TRPA1: variants seen among roughly 807,000 people sequenced by gnomAD.
TRPA1 encodes ankyrin-like with transmembrane domains 1.
A neutral mutation model predicts 131.3 loss-of-function variants in TRPA1; 129 were observed. The ratio of observed to expected loss-of-function variants is 0.98; its 90% CI spans 0.85 to 1.14. TRPA1 has a LOEUF of 1.14. Ranked by LOEUF, TRPA1 falls within the 50% of genes most tolerant of loss-of-function variation. The pLI is 0.00. For synonymous variants in TRPA1, 441 were observed against 451.7 expected (o/e 0.98, Z 0.30); for missense variants, 1,304 against 1,354.2 (o/e 0.96, Z 0.58).
rs367669333 is a variant in TRPA1 at position 72,061,540 on chromosome 8, A to G, written c.944+85T>C. 7.2e-6 allele frequency: 11 copies of G among 1,528,398 alleles called. 1 individual carries two copies. The highest frequency in any genetic ancestry group is 4.1e-5 in the African/African-American group (3 of 73,318). 94.7% of individuals were successfully genotyped at this position (1,528,398 alleles called of 1,614,324 possible). On this transcript the variant is annotated intron_variant, in intron 7 of 26. Transcript: ENST00000262209. The stretch of plus-strand genomic sequence containing the variant: ...TTTGAACCACAAAATCTTTGCTAGC[A>G]TTAGTGCTAACTGCTCCTTGCAATG...
intron 12 of TRPA1, chr8:72,054,091 G>A (rs1294090605): frequency 1.8e-6 from 1 of 550,520 alleles, no homozygotes; most frequent in Non-Finnish European, 3.2e-6. Context: ...TTTACTTAGT[G>A]GTTTAAAATA....
At chr8:72,035,489 C>T (rs1812000392) in intron 21 of TRPA1, among the ~76,000 whole-genome samples, 1 of 152,166 alleles carries the variant, frequency 6.6e-6, no homozygotes, top group South Asian at 2.1e-4. Context: ...GACTGACTAG[C>T]TGAGATCTTC....
chr8:72,046,468 AAG>A (rs1263076147), intron 17 of TRPA1, 43 bp downstream of exon 17: 1 of 1,207,058 alleles, frequency 8.3e-7, no homozygotes, highest in Non-Finnish European at 1.2e-6. Flanking sequence ...AAAAAAAAAA[AAG>A]AAAAAAAAGA....
rs1297282896 is a variant in TRPA1, at chr8:72,052,776, A to C, written c.1645-11T>G. 1 of 1,612,242 alleles carries C rather than the reference A, an allele frequency of 6.2e-7. No individual in the cohort carries two copies. The highest frequency in any genetic ancestry group is 8.5e-7 in the Non-Finnish European group (1 of 1,179,728). ...GTGAAGTGCAGTGTTCTTTTGAAGA[A>C]AAACAGACACAGAAAACGTGGTGAC... On this transcript the variant is annotated splice_polypyrimidine_tract_variant and intron_variant, in intron 13 of 26. Coordinates refer to ENST00000262209, the MANE Select transcript of TRPA1 (RefSeq NM_007332.3).
intron 9 of TRPA1, 72 bp from the exon 10 acceptor site, chr8:72,057,089 T>C (rs555741853): frequency 8.0e-7 from 1 of 1,249,278 alleles, no homozygotes; most frequent in South Asian, 1.4e-5. Context: ...GATTTTCAAC[T>C]TAGCAAAAAA....
chr8:72,063,460 C>G lies in TRPA1; in HGVS notation c.661+3G>C, dbSNP rs142809580. ...TATATAACATAGAAAAGCCTCAACT[C>G]ACCAAACCTTAGTATTATTTCCATG... On this transcript the variant is annotated splice_donor_region_variant and intron_variant, in intron 5 of 26. Coordinates refer to ENST00000262209, the MANE Select transcript of TRPA1 (RefSeq NM_007332.3). The G allele has an allele frequency of 4.4e-5, 70 of 1,602,622 alleles. No homozygotes were observed. The African/African-American group carries it at 8.6e-4, about 20-fold the overall frequency.
chr8:72,025,321 T>C (rs1811560081), intron 25 of TRPA1, among the ~76,000 whole-genome samples: 1 of 152,070 alleles, frequency 6.6e-6, no homozygotes, highest in Non-Finnish European at 1.5e-5. Context: ...ATTGTTTGGT[T>C]GTTCCTCATG....
intron 23 of TRPA1, 90 bp downstream of exon 23, chr8:72,033,554 T>C (rs1811912775): frequency 8.2e-7 from 1 of 1,221,032 alleles, no homozygotes; most frequent in Admixed American, 2.0e-5. Context: ...ATCTCCCCAG[T>C]GGAGGAAGAT....
intron 23 of TRPA1, 29 bp from the exon 24 acceptor site, chr8:72,029,998 A>G (rs757653053): frequency 2.5e-6 from 4 of 1,594,968 alleles, no homozygotes; most frequent in East Asian, 2.2e-5. Context: ...TTAAATCACT[A>G]CAGTTGAATG....
In TRPA1 at chr8:72,039,796, G is replaced by A. The variant is rs1812186318; in HGVS notation, c.2063C>T (p.Ala688Val). 6.2e-7 allele frequency: 1 copy of A among 1,600,724 alleles called. No individual in the cohort carries two copies. The highest frequency in any genetic ancestry group is 1.1e-5 in the South Asian group (1 of 90,826). Residue 688 changes from alanine to valine, a missense_variant and splice_region_variant, in exon 18 of 27, where the codon GCA becomes GTA. Physicochemically the swap from Ala to Val is moderately conservative, Grantham distance 64. Transcript: ENST00000262209. The part of the protein sequence containing the change: ...VIYEPLTALN[A>V]MVQNNRIELL... ...CTCTATGCGGTTATTTTGTACCATT[G>A]CCTGAGAAATAAAAAAAAGTGTAAT...
chr8:72,029,384 A>T (rs1250800782), intron 24 of TRPA1, among the ~76,000 whole-genome samples: 1 of 152,202 alleles, frequency 6.6e-6, no homozygotes, highest in African/African-American at 2.4e-5. Context: ...TTGTTCTCGG[A>T]CATTTTTTTG....
the TRPA1 span, among the ~76,000 whole-genome samples, chr8:72,088,407 G>T: frequency 8.8e-6 from 1 of 113,954 alleles, no homozygotes. Flanking sequence ...TAGGATTTCA[G>T]ATGGGAAGGA....
chr8:72,071,830 A>G lies in TRPA1; in HGVS notation c.149T>C (p.Phe50Ser), dbSNP rs753171191. The change falls in exon 2 of 27, where the codon TTT (phenylalanine) becomes TCT (serine). Residue 50 changes from phenylalanine (F) to serine (S), a missense_variant. Transcript: ENST00000262209. ...FEGSAYGLQN[F>S]NKQKKLKRCD... ...TCTTTTTAATTTCTTTTGCTTATTAAAGTTTTGTAATCCATATGCACTTCC... is the reference window on the plus strand; with the variant it reads ...TCTTTTTAATTTCTTTTGCTTATTAGAGTTTTGTAATCCATATGCACTTCC... 6.2e-7 allele frequency: 1 copy of G among 1,612,538 alleles called. No homozygotes were observed. Among genetic ancestry groups the G allele is most frequent in the South Asian group, 1.1e-5 (1 of 91,014 alleles).
intron 24 of TRPA1, among the ~76,000 whole-genome samples, chr8:72,026,501 CAT>C (rs966761544): frequency 2.6e-5 from 4 of 152,154 alleles, no homozygotes; most frequent in African/African-American, 9.7e-5. Flanking sequence ...CACGTGCACA[CAT>C]GTATACACAT....
At chr8:72,076,082 C>T (rs1806178994), upstream of TRPA1, among the ~76,000 whole-genome samples, 1 of 152,178 alleles carries the variant, frequency 6.6e-6, no homozygotes, top group South Asian at 2.1e-4. Flanking sequence ...TTTAACAAAA[C>T]TTCTCATTCC....
intron 4 of TRPA1, 117 bp from the exon 5 acceptor site, chr8:72,063,688 C>T (rs905705010): frequency 2.0e-5 from 14 of 700,354 alleles, no homozygotes; most frequent in African/African-American, 1.8e-4. Context: ...TGTAAAAGTA[C>T]ATAGAGAGCT....
chr8:72,059,008 C>T (rs1269300914), intron 8 of TRPA1, among the ~76,000 whole-genome samples: 1 of 152,148 alleles, frequency 6.6e-6, no homozygotes, highest in Non-Finnish European at 1.5e-5. Flanking sequence ...AGGAGTTTCC[C>T]CCCGTGCTGC....
At position 72,055,716 on chromosome 8, in the gene TRPA1, T is replaced by C; in HGVS notation, c.1334A>G (p.Asp445Gly). Residue 445 changes from aspartate (D) to glycine (G), a missense_variant, in exon 11 of 27, where the codon GAT becomes GGT. Asp to Gly is a moderately conservative substitution (Grantham distance 94). Transcript: ENST00000262209. Reference sequence around the variant, plus strand: ...TGCAAAATGCAGAGGTGATTTCTTATCTTTGCTTTTGGAATGAATGGACAC... The same window carrying C: ...TGCAAAATGCAGAGGTGATTTCTTACCTTTGCTTTTGGAATGAATGGACAC... ...FNVSIHSKSK[D>G]KKSPLHFAAS... 1 of 1,613,624 alleles carries C rather than the reference T, an allele frequency of 6.2e-7. No individual in the cohort carries two copies. The highest frequency in any genetic ancestry group is 8.5e-7 in the Non-Finnish European group (1 of 1,179,714).
In TRPA1 at chr8:72,038,853, A is replaced by G; in HGVS notation, c.2295+12T>C. The stretch of plus-strand genomic sequence containing the variant: ...TAATCCTTTATTTTAGAAAGTTAAA[A>G]TTTGAAATTACCGTGGTATCTAGTA... On this transcript the variant is annotated intron_variant, in intron 19 of 26. Coordinates refer to ENST00000262209, the MANE Select transcript of TRPA1 (RefSeq NM_007332.3). 6.2e-7 allele frequency: 1 copy of G among 1,606,724 alleles called. No individual in the cohort carries two copies. Among genetic ancestry groups the G allele is most frequent in the Non-Finnish European group, 8.5e-7 (1 of 1,175,936 alleles).
Sources: allele counts gnomAD v4.1 joint callset (sites outside exome capture counted in the v4.1 genomes callset), GRCh38; gene constraint gnomAD v4.1.1; transcripts MANE v1.5; gene names NCBI Gene and HGNC (gene_info 2026-07-23, HGNC 2026-07-21).